Variants in C20orf203 observed in about 807,000 individuals in gnomAD.
C20orf203 encodes chromosome 20 open reading frame 203.
Under a neutral mutation model 15.9 loss-of-function variants are expected in C20orf203, and 16 were observed. The observed-to-expected ratio is 1.01, with a 90% CI of 0.68 to 1.53. C20orf203 has a LOEUF of 1.53. C20orf203 is among the 40% of genes most tolerant of loss of function. C20orf203 has a pLI of 0.00. For synonymous variants in C20orf203, 98 were observed against 97.2 expected (o/e 1.01, Z -0.05); for missense variants, 263 against 247.5 (o/e 1.06, Z -0.42).
At chr20:32,640,260 C>A (rs1228779868) in intron 5 of C20orf203, among the ~76,000 whole-genome samples, 1 of 151,982 alleles carries the variant, frequency 6.6e-6, no homozygotes, top group African/African-American at 2.4e-5. Context: ...TTCTGCTTAT[C>A]CATATTTTCT....
In C20orf203 at chr20:32,666,797, T is replaced by TTTTATATATATATATATATA. The variant is rs367964394; in HGVS notation, c.-264+6834_-264+6835insTATATATATATATATATAAA. On this transcript the variant is annotated intron_variant, in intron 1 of 5. Coordinates refer to ENST00000608990, the MANE Select transcript of C20orf203 (RefSeq NM_182584.4). ...AAAAAAAGATGAAATTAATTTTAAT[T>TTTTATATATATATATATATA]TATATATATATATATATATATATAT... Among the ~76,000 whole-genome samples, 233 of 65,600 alleles carry TTTTATATATATATATATATA rather than the reference T, an allele frequency of 3.6e-3. 35 individuals are homozygous for TTTTATATATATATATATATA. Among genetic ancestry groups the TTTTATATATATATATATATA allele is most frequent in the Middle Eastern group, 0.018 (1 of 56 alleles). 43.0% of individuals were successfully genotyped at this position (65,600 alleles called of 152,430 possible).
chr20:32,664,937 G>T (rs548967440), intron 1 of C20orf203, among the ~76,000 whole-genome samples: 8 of 152,366 alleles, frequency 5.3e-5, no homozygotes, highest in Admixed American at 5.2e-4. Flanking sequence ...CACCGTGCTA[G>T]TGTGCAGCAG....
At position 32,651,102 on chromosome 20, in the gene C20orf203, A is replaced by G; in HGVS notation, c.51T>C (p.Pro17=). 6.9e-7 allele frequency: 1 copy of G among 1,442,410 alleles called. No individual in the cohort carries two copies. Among genetic ancestry groups the G allele is most frequent in the Admixed American group, 2.1e-5 (1 of 47,076 alleles). 89.4% of individuals were successfully genotyped at this position (1,442,410 alleles called of 1,614,324 possible). Residue 17 remains proline, a synonymous_variant, in exon 3 of 6, where the codon CCT becomes CCC. Coordinates refer to ENST00000608990, the MANE Select transcript of C20orf203 (RefSeq NM_182584.4). The stretch of plus-strand genomic sequence containing the variant: ...TGTGATCCAGCATGTTGGGAGGCTG[A>G]GGCAGGAGAATCGCTTGAGCCCGGG... ...LNSRAQAILL[P]QPPNMLDHRQ... is the part of the protein sequence containing the mutation.
At chr20:32,637,949 CGT>C (rs1302288305) in intron 5 of C20orf203, among the ~76,000 whole-genome samples, 4 of 151,466 alleles carry the variant, frequency 2.6e-5, no homozygotes, top group Non-Finnish European at 4.4e-5. Flanking sequence ...CATGTATGGG[CGT>C]GTGTGTGCGC....
intron 4 of C20orf203, among the ~76,000 whole-genome samples, chr20:32,646,702 A>G (rs1014749344): frequency 7.9e-5 from 12 of 152,316 alleles, no homozygotes; most frequent in Middle Eastern, 3.4e-3. Context: ...ACTTGTCCCT[A>G]TAGGTTGTCT....
intron 4 of C20orf203, among the ~76,000 whole-genome samples, chr20:32,644,980 C>T (rs934505671): frequency 1.3e-5 from 2 of 151,982 alleles, no homozygotes; most frequent in African/African-American, 4.8e-5. Flanking sequence ...TTTGGCTCGC[C>T]AGCCCCAGTG....
rs1308371039 is a variant in C20orf203, at chr20:32,632,257, C to T, written c.*3313G>A. ...GAGTGGGAGAGGGGAGAAGGCCTTT[C>T]ATGGAGCACTCCTTAGATGCTGGGC... On this transcript the variant is annotated 3_prime_UTR_variant, in exon 6 of 6. Transcript: ENST00000608990. 6.6e-6 allele frequency: 1 copy of T among 152,266 alleles called. No individual in the cohort carries two copies. Among genetic ancestry groups the T allele is most frequent in the African/African-American group, 2.4e-5 (1 of 41,470 alleles). 9.4% of individuals were successfully genotyped at this position (152,266 alleles called of 1,614,324 possible).
At chr20:32,669,893 CAT>C (rs1415537467) in intron 1 of C20orf203, among the ~76,000 whole-genome samples, 1 of 152,156 alleles carries the variant, frequency 6.6e-6, no homozygotes, top group African/African-American at 2.4e-5. Flanking sequence ...ATTTGCAAAC[CAT>C]ATATGTAATA....
intron 1 of C20orf203, among the ~76,000 whole-genome samples, chr20:32,665,817 T>G (rs1458504193): frequency 6.6e-6 from 1 of 152,100 alleles, no homozygotes; most frequent in Non-Finnish European, 1.5e-5. Context: ...AAAAATTTTT[T>G]TTTTAATTAG....
In C20orf203 at chr20:32,645,001, C is replaced by T. The variant is rs1009379498; in HGVS notation, c.*1177+4254G>A. The stretch of plus-strand genomic sequence containing the variant: ...TCGCCAGCCCCAGTGCCACCACACG[C>T]CCCAAACCCTGTGCCACACCTCGCT... On this transcript the variant is annotated intron_variant, in intron 4 of 5. Transcript: ENST00000608990. 2.0e-5 allele frequency among the ~76,000 whole-genome samples: 3 copies of T among 152,092 alleles called. No individual in the cohort carries two copies. The East Asian group carries it at 5.8e-4, about 29-fold the overall frequency.
intron 1 of C20orf203, among the ~76,000 whole-genome samples, chr20:32,652,590 G>A (rs1226909108): frequency 2.6e-5 from 4 of 152,012 alleles, no homozygotes; most frequent in African/African-American, 9.7e-5. Flanking sequence ...TGCTTCGAAG[G>A]TTCTGGGATC....
chr20:32,640,046 G>A, intron 5 of C20orf203, among the ~76,000 whole-genome samples: 1 of 152,144 alleles, frequency 6.6e-6, no homozygotes, highest in East Asian at 1.9e-4. Flanking sequence ...GGCTCCAAGA[G>A]GTCCCACAGC....
At position 32,650,787 on chromosome 20, in the gene C20orf203, T is replaced by G. The variant is rs766563811; in HGVS notation, c.230A>C (p.Gln77Pro). 1.6e-4 allele frequency: 245 copies of G among 1,507,708 alleles called. 1 individual carries two copies. In the African/African-American group the frequency reaches 3.0e-3, roughly 18 times the overall value. 93.4% of individuals were successfully genotyped at this position (1,507,708 alleles called of 1,614,324 possible). The change falls in exon 4 of 6, where the codon CAG becomes CCG. Residue 77 changes from glutamine (Q) to proline (P), a missense_variant. Transcript: ENST00000608990. The stretch of plus-strand genomic sequence containing the variant: ...AGGAGGCTGGCGCTGGTGGCTGGGC[T>G]GGGGGTGGACTCGCTGAGCCTTTGA... ...RTSKAQRVHPQPSHQRQPPPP... is the reference protein window; with the variant it reads ...RTSKAQRVHPPPSHQRQPPPP...
At chr20:32,641,054 C>T (rs1316510509) in intron 4 of C20orf203, among the ~76,000 whole-genome samples, 2 of 152,102 alleles carry the variant, frequency 1.3e-5, no homozygotes, top group Non-Finnish European at 2.9e-5. Context: ...TGTGGTGGCT[C>T]ATGCTTGTAA....
chr20:32,645,580 C>T (rs925606297), intron 4 of C20orf203, among the ~76,000 whole-genome samples: 6 of 152,356 alleles, frequency 3.9e-5, no homozygotes, highest in African/African-American at 1.4e-4. Flanking sequence ...CACTGCTGCA[C>T]GTCCTCCTGC....
intron 1 of C20orf203, among the ~76,000 whole-genome samples, chr20:32,653,621 A>G (rs1242374119): frequency 6.6e-6 from 1 of 152,148 alleles, no homozygotes; most frequent in East Asian, 1.9e-4. Context: ...TCATGGTGAG[A>G]GATTGGGTGC....
At chr20:32,646,319 C>T (rs974855882) in intron 4 of C20orf203, among the ~76,000 whole-genome samples, 3 of 152,054 alleles carry the variant, frequency 2.0e-5, no homozygotes, top group African/African-American at 7.2e-5. Context: ...GATTCTCCCA[C>T]CTCAACCTCC....
intron 1 of C20orf203, chr20:32,657,439 G>A (rs1265304118): frequency 1.3e-5 from 2 of 152,158 alleles, no homozygotes; most frequent in Non-Finnish European, 2.9e-5. Context: ...GCAGTGAGCT[G>A]AGATCTCACC....
chr20:32,667,906 T>C (rs1331377736), intron 1 of C20orf203, among the ~76,000 whole-genome samples: 1 of 152,150 alleles, frequency 6.6e-6, no homozygotes, highest in African/African-American at 2.4e-5. Context: ...CCTGACCTCG[T>C]GATCTGCCTG....
Sources: allele counts gnomAD v4.1 joint callset (sites outside exome capture counted in the v4.1 genomes callset), GRCh38; gene constraint gnomAD v4.1.1; transcripts MANE v1.5; gene names NCBI Gene and HGNC (gene_info 2026-07-23, HGNC 2026-07-21).